TARS2: variants seen among roughly 807,000 people sequenced by gnomAD.
TARS2 encodes the protein threonyl-tRNA synthetase 2, mitochondrial.
Under a neutral mutation model 94.4 loss-of-function variants are expected in TARS2, and 61 were observed. That is an observed-to-expected ratio of 0.65 (90% CI 0.53 to 0.80). The LOEUF is 0.80. TARS2 is among the 30% of genes least tolerant of loss of function. TARS2 has a pLI of 0.00. For synonymous variants in TARS2, 359 were observed against 353.4 expected, an observed-to-expected ratio of 1.02 and a Z score of -0.18; for missense variants, 704 against 902.5, an observed-to-expected ratio of 0.78 and a Z score of 2.82.
intron 13 of TARS2, among the ~76,000 whole-genome samples, chr1:150,501,408 C>G (rs1282343275): frequency 7.0e-6 from 1 of 143,850 alleles, no homozygotes; most frequent in East Asian, 2.0e-4. Context: ...AGCTCCGCCT[C>G]CTGGATTCAC....
At position 150,491,329 on chromosome 1, in the gene TARS2, GGT is replaced by G. The variant is rs2102477890; in HGVS notation, c.513-60_513-59del. On this transcript the variant is annotated intron_variant, in intron 4 of 17. Transcript: ENST00000369064. The stretch of plus-strand genomic sequence containing the variant: ...ACAGGACCTTACCCGCTAGCCAACA[GGT>G]GTGTCACCCAGGTGATTGATGCACC... 6 of 1,528,058 alleles carry G rather than the reference GGT, an allele frequency of 3.9e-6. No individual in the cohort carries two copies. The East Asian group carries it at 1.4e-4, about 34-fold the overall frequency. 94.7% of individuals were successfully genotyped at this position (1,528,058 alleles called of 1,614,324 possible). A position where few individuals can be genotyped will look rare whatever the true frequency, so the allele number is the denominator to read the frequency against.
chr1:150,494,733 G>T lies in TARS2; in HGVS notation c.775-1749G>T, dbSNP rs113281729. 2.7e-5 allele frequency among the ~76,000 whole-genome samples: 4 copies of T among 150,362 alleles called. No individual in the cohort carries two copies. The East Asian group carries it at 7.9e-4, about 30-fold the overall frequency. On this transcript the variant is annotated intron_variant, in intron 7 of 17. Transcript: ENST00000369064. ...AGCCTGGGCAACAGAGTGAGACTCT[G>T]TTTCAAAAAATATACATATAGGGGC...
chr1:150,493,141 T>G (rs775307024), intron 7 of TARS2, among the ~76,000 whole-genome samples: 1 of 151,906 alleles, frequency 6.6e-6, no homozygotes, highest in Non-Finnish European at 1.5e-5. Context: ...AGTGCTGGGA[T>G]TACAGGCATG....
intron 13 of TARS2, among the ~76,000 whole-genome samples, chr1:150,501,319 TTTTTTTTTTTTTTA>T (rs1669905550): frequency 1.9e-5 from 2 of 108,008 alleles, no homozygotes; most frequent in Non-Finnish European, 4.1e-5. Flanking sequence ...TTTTTTTTTT[TTTTTTTTTTTTTTA>T]TTGAGACTAT....
At chr1:150,499,707 A>G (rs950960395) in intron 13 of TARS2, among the ~76,000 whole-genome samples, 2 of 152,122 alleles carry the variant, frequency 1.3e-5, no homozygotes, top group Non-Finnish European at 2.9e-5. Context: ...ATAAAGAAAA[A>G]CAATATACTT....
At position 150,491,586 on chromosome 1, in the gene TARS2, A is replaced by G. The variant is rs758330909; in HGVS notation, c.631-12A>G. The G allele has an allele frequency of 5.6e-6, 9 of 1,613,960 alleles. No individual in the cohort carries two copies. The East Asian group carries it at 1.1e-4, about 20-fold the overall frequency. On this transcript the variant is annotated splice_polypyrimidine_tract_variant and intron_variant, in intron 5 of 17. Coordinates refer to ENST00000369064, the MANE Select transcript of TARS2 (RefSeq NM_025150.5). ...AACACTTTTCTTCAATCTCCCTTCT[A>G]CCTTTTTCCAGGATAACCCCTTTAA... is the stretch of plus-strand genomic sequence containing the variant.
At chr1:150,491,768 A>C in intron 6 of TARS2, 106 bp downstream of exon 6, 1 of 1,224,550 alleles carries the variant, frequency 8.2e-7, no homozygotes, top group Non-Finnish European at 1.2e-6. Context: ...GTTGCTCCAG[A>C]AAAAGAAATG....
At chr1:150,503,516 C>T (rs1173575014) in intron 13 of TARS2, among the ~76,000 whole-genome samples, 4 of 149,346 alleles carry the variant, frequency 2.7e-5, no homozygotes, top group Non-Finnish European at 4.4e-5. Flanking sequence ...GGTGAAACCC[C>T]ATCCCTACTG....
At chr1:150,497,150 G>T (rs1669699714) in intron 9 of TARS2, among the ~76,000 whole-genome samples, 1 of 152,116 alleles carries the variant, frequency 6.6e-6, no homozygotes, top group South Asian at 2.1e-4. Flanking sequence ...AGCCAGTGTG[G>T]TGGCAGCGCC....
chr1:150,489,498 A>G (rs1370231848), intron 3 of TARS2, among the ~76,000 whole-genome samples: 3 of 152,248 alleles, frequency 2.0e-5, no homozygotes, highest in African/African-American at 2.4e-5. Flanking sequence ...GACCTTGCCT[A>G]TTAGGATCCA....
intron 13 of TARS2, among the ~76,000 whole-genome samples, 186 bp from the exon 14 acceptor site, chr1:150,504,149 C>CTCA (rs1423811366): frequency 1.3e-5 from 2 of 152,068 alleles, no homozygotes; most frequent in African/African-American, 2.4e-5. Context: ...CTGCTGAGAA[C>CTCA]TACTGCCAGA....
intron 3 of TARS2, 188 bp downstream of exon 3, chr1:150,489,275 T>A: frequency 1.3e-6 from 1 of 773,410 alleles, no homozygotes; most frequent in Non-Finnish European, 2.1e-6. Context: ...AGCTTCGATC[T>A]ATTAAGCAAA....
intron 13 of TARS2, among the ~76,000 whole-genome samples, chr1:150,503,627 A>ATATGTGTGTG (rs1207732223): frequency 8.1e-6 from 1 of 123,790 alleles, no homozygotes; most frequent in Non-Finnish European, 1.7e-5. Context: ...ATGTGTGTGT[A>ATATGTGTGTG]TATATGTGTG....
At chr1:150,496,777 G>C (rs768451366) in intron 8 of TARS2, 33 bp from the exon 9 acceptor site, 1 of 1,612,566 alleles carries the variant, frequency 6.2e-7, no homozygotes, top group South Asian at 1.1e-5. Context: ...CCTTGCCCTT[G>C]AGGTGACCCA....
rs748016598 is a variant in TARS2, at chr1:150,504,352, C to T, written c.1635C>T (p.His545=). 26 of 1,614,064 alleles carry T rather than the reference C, an allele frequency of 1.6e-5. No homozygotes were observed. The highest frequency in any genetic ancestry group is 3.3e-5 in the South Asian group (3 of 91,078). ...TCCTGTAGATTGACGTGCACCTCCA[C>T]GATGCCCTGGGCCGGCCACATCAGT... ...FYGPKIDVHL[H]DALGRPHQCG... Residue 545 remains histidine, a synonymous_variant, in exon 14 of 18, where the codon CAC becomes CAT. Transcript: ENST00000369064.
chr1:150,499,158 A>T (rs751812048), intron 12 of TARS2, 58 bp from the exon 13 acceptor site: 14 of 1,610,792 alleles, frequency 8.7e-6, no homozygotes, highest in Non-Finnish European at 1.2e-5. Context: ...GACTGACCGG[A>T]TGTGTTGCTT....
At chr1:150,499,155 C>CATCCG (rs1669799932) in intron 12 of TARS2, 61 bp from the exon 13 acceptor site, 1 of 1,610,006 alleles carries the variant, frequency 6.2e-7, no homozygotes, top group Non-Finnish European at 8.5e-7. Flanking sequence ...GGGGACTGAC[C>CATCCG]GGATGTGTTG....
intron 13 of TARS2, among the ~76,000 whole-genome samples, chr1:150,501,334 T>TTTTTTTTTTC (rs1553905147): frequency 3.0e-5 from 3 of 98,674 alleles, no homozygotes; most frequent in Admixed American, 1.1e-4. Context: ...TTTTTTTTTA[T>TTTTTTTTTTC]TGAGACTATG....
intron 17 of TARS2, 24 bp from the exon 18 acceptor site, chr1:150,506,892 T>G: frequency 6.2e-7 from 1 of 1,610,420 alleles, no homozygotes; most frequent in Middle Eastern, 1.7e-4. Flanking sequence ...TGCCCTGAGG[T>G]TCCCAAACTT....
Sources: allele counts gnomAD v4.1 joint callset (sites outside exome capture counted in the v4.1 genomes callset), GRCh38; gene constraint gnomAD v4.1.1; transcripts MANE v1.5; gene names NCBI Gene and HGNC (gene_info 2026-07-23, HGNC 2026-07-21).